Variants in GABRG3 observed in about 807,000 individuals in gnomAD.
GABRG3 encodes gamma-aminobutyric acid type A receptor subunit gamma3, also known as gamma-aminobutyric acid receptor subunit gamma-3.
A neutral mutation model predicts 48.8 loss-of-function variants in GABRG3; 25 were observed. The observed-to-expected ratio is 0.51, with a 90% CI of 0.37 to 0.72. GABRG3 has a LOEUF of 0.72. GABRG3 is among the 30% of genes least tolerant of loss of function. The pLI is 0.00. For synonymous variants in GABRG3, 227 were observed against 217.6 expected (o/e 1.04, Z -0.38); for missense variants, 394 against 577.9 (o/e 0.68, Z 3.26).
chr15:27,467,402 T>C (rs906624925), intron 5 of GABRG3, among the ~76,000 whole-genome samples: 14 of 152,320 alleles, frequency 9.2e-5, no homozygotes, highest in Admixed American at 7.8e-4. Flanking sequence ...TCAGTACCAC[T>C]GCACTTTTAG....
intron 6 of GABRG3, among the ~76,000 whole-genome samples, chr15:27,509,052 G>C (rs1328514984): frequency 6.6e-6 from 1 of 152,084 alleles, no homozygotes; most frequent in African/African-American, 2.4e-5. Flanking sequence ...CTGAGAAACT[G>C]TTTATGTCTA....
intron 3 of GABRG3, among the ~76,000 whole-genome samples, chr15:27,072,149 G>T (rs146440093): frequency 6.6e-6 from 1 of 152,164 alleles, no homozygotes. Context: ...GCTCCTGAAG[G>T]TCCTGAAGGC....
intron 6 of GABRG3, among the ~76,000 whole-genome samples, chr15:27,501,247 G>A (rs556728879): frequency 2.3e-4 from 35 of 152,220 alleles, no homozygotes; most frequent in East Asian, 3.9e-4. Flanking sequence ...CACCGTGCCC[G>A]GCCAAAGTAA....
At chr15:27,424,063 G>A (rs1006783565) in intron 5 of GABRG3, among the ~76,000 whole-genome samples, 9 of 152,000 alleles carry the variant, frequency 5.9e-5, no homozygotes, top group African/African-American at 2.2e-4. Flanking sequence ...AAAGAAAGGA[G>A]CAAACCTTTG....
intron 5 of GABRG3, among the ~76,000 whole-genome samples, chr15:27,419,911 G>T (rs1888059505): frequency 6.6e-6 from 1 of 152,148 alleles, no homozygotes; most frequent in South Asian, 2.1e-4. Context: ...AAACTTCTTT[G>T]ATGTCTTTAA....
intron 3 of GABRG3, among the ~76,000 whole-genome samples, chr15:27,039,700 T>G (rs1284934975): frequency 3.3e-5 from 5 of 152,214 alleles, no homozygotes; most frequent in Non-Finnish European, 7.3e-5. Context: ...AGCACAGAAC[T>G]TTCTTTTGTC....
chr15:27,162,892 T>G (rs898543071), intron 3 of GABRG3, among the ~76,000 whole-genome samples: 1 of 152,078 alleles, frequency 6.6e-6, no homozygotes, highest in African/African-American at 2.4e-5. Context: ...TATTTGATCT[T>G]AGTAGCAACC....
intron 5 of GABRG3, among the ~76,000 whole-genome samples, chr15:27,431,037 A>C (rs189003978): frequency 4.8e-4 from 71 of 147,518 alleles, no homozygotes; most frequent in East Asian, 9.9e-4. Flanking sequence ...ATAAATAAAT[A>C]AATCAGTAGT....
chr15:27,035,315 C>T (rs1402579831), intron 3 of GABRG3, among the ~76,000 whole-genome samples: 1 of 152,162 alleles, frequency 6.6e-6, no homozygotes, highest in African/African-American at 2.4e-5. Flanking sequence ...TGAATGGTAA[C>T]TTTTCAGTGA....
In GABRG3 at chr15:27,492,593, T is replaced by C. The variant is rs141486002; in HGVS notation, c.712+11806T>C. Among the ~76,000 whole-genome samples the C allele has an allele frequency of 5.6e-3, 852 of 152,374 alleles. 8 individuals carry two copies. The highest frequency in any genetic ancestry group is 0.019 in the African/African-American group (811 of 41,598). On this transcript the variant is annotated intron_variant, in intron 6 of 9. Transcript: ENST00000615808. ...TAACTAAGCTGGAGGCCCCAGTGTATTCCAGGGAATCAATCTTCAAAATAA... is the reference window on the plus strand; with the variant it reads ...TAACTAAGCTGGAGGCCCCAGTGTACTCCAGGGAATCAATCTTCAAAATAA...
chr15:27,371,300 A>G (rs565905269), intron 5 of GABRG3, among the ~76,000 whole-genome samples: 15 of 151,756 alleles, frequency 9.9e-5, no homozygotes, highest in Admixed American at 2.0e-4. Context: ...TCTGAATTGT[A>G]TGTCATGTTT....
At chr15:27,259,961 G>A (rs999551188) in intron 3 of GABRG3, among the ~76,000 whole-genome samples, 3 of 152,158 alleles carry the variant, frequency 2.0e-5, no homozygotes, top group African/African-American at 7.2e-5. Flanking sequence ...GATAGATTGA[G>A]AATCTTCCTC....
intron 3 of GABRG3, among the ~76,000 whole-genome samples, chr15:27,264,490 A>G (rs1890859170): frequency 1.3e-5 from 2 of 152,092 alleles, no homozygotes; most frequent in African/African-American, 4.8e-5. Flanking sequence ...CCTATAGTCT[A>G]CTTTCTTTTC....
chr15:27,174,166 A>T (rs1454327622), intron 3 of GABRG3, among the ~76,000 whole-genome samples: 1 of 152,160 alleles, frequency 6.6e-6, no homozygotes, highest in African/African-American at 2.4e-5. Context: ...ATCATGTCTT[A>T]CCCAGCCCAT....
chr15:27,476,252 C>A (rs1332922259), intron 5 of GABRG3, among the ~76,000 whole-genome samples: 4 of 151,986 alleles, frequency 2.6e-5, no homozygotes, highest in Middle Eastern at 3.4e-3. Context: ...CTAAAAGCAA[C>A]AAAGAAATAA....
intron 5 of GABRG3, among the ~76,000 whole-genome samples, chr15:27,386,967 T>C (rs1016823490): frequency 1.3e-5 from 2 of 152,234 alleles, no homozygotes; most frequent in Admixed American, 6.5e-5. Context: ...TAACTTTCCA[T>C]GTTACTGTGC....
chr15:27,217,570 G>T (rs948057223), intron 3 of GABRG3, among the ~76,000 whole-genome samples: 1 of 152,198 alleles, frequency 6.6e-6, no homozygotes, highest in South Asian at 2.1e-4. Flanking sequence ...CCAGCAGGGA[G>T]CCTCCAGGAT....
At chr15:26,978,105 T>TTTTA (rs1008640462) in intron 2 of GABRG3, among the ~76,000 whole-genome samples, 3 of 152,248 alleles carry the variant, frequency 2.0e-5, no homozygotes, top group African/African-American at 4.8e-5. Context: ...TCTTCTTTTA[T>TTTTA]TTTATTTATT....
At chr15:27,088,323 C>T (rs1205066719) in intron 3 of GABRG3, among the ~76,000 whole-genome samples, 2 of 151,278 alleles carry the variant, frequency 1.3e-5, no homozygotes, top group Middle Eastern at 3.4e-3. Context: ...GGGTCCTCGT[C>T]CTGGCGCCTC....
Sources: gnomAD v4.1 joint callset for allele counts (sites outside exome capture counted in the v4.1 genomes callset) on GRCh38, gnomAD v4.1.1 for gene constraint, MANE v1.5 for transcripts, NCBI Gene and HGNC (gene_info 2026-07-23, HGNC 2026-07-21) for gene names.